DAB1: variants seen among roughly 807,000 people sequenced by gnomAD.
The protein encoded by DAB1 is disabled homolog 1.
DAB1 carries 15 observed loss-of-function variants against 64.6 expected under a neutral mutation model. That is an observed-to-expected ratio of 0.23 (90% confidence interval 0.16 to 0.36). The LOEUF (loss-of-function observed/expected upper bound fraction) is 0.36, where lower values mean the gene tolerates loss of function less well. Among genes scored for constraint, DAB1 ranks in the 10% least tolerant of loss-of-function variants. The pLI is 1.00. For synonymous variants in DAB1, 235 were observed against 251.9 expected (o/e 0.93, Z 0.64); for missense variants, 596 against 706.7 (o/e 0.84, Z 1.78).
At chr1:57,280,826 T>C (rs561531) in intron 2 of DAB1, among the ~76,000 whole-genome samples, 75,309 of 151,996 alleles carry the variant, frequency 0.5, 18,918 homozygotes, top group Admixed American at 0.64. Flanking sequence ...TTTAAATTTT[T>C]TTTCTCCTTG....
chr1:57,335,559 A>G (rs759369719), intron 1 of DAB1, among the ~76,000 whole-genome samples: 8 of 152,222 alleles, frequency 5.3e-5, no homozygotes, highest in Non-Finnish European at 1.0e-4. Flanking sequence ...ACTGTGTGCC[A>G]TTTCAGTTAA....
intron 1 of DAB1, among the ~76,000 whole-genome samples, chr1:57,360,141 A>G (rs756728190): frequency 6.6e-6 from 1 of 152,118 alleles, no homozygotes; most frequent in African/African-American, 2.4e-5. Context: ...AGCTAGACTT[A>G]ACAATTTCAC....
chr1:58,488,626 AT>A (rs200329655), intron 3 of DAB1, among the ~76,000 whole-genome samples: 3,346 of 152,174 alleles, frequency 0.022, 123 homozygotes, highest in African/African-American at 0.076. Context: ...TAATTTTTGT[AT>A]TTTTAGTAGA....
chr1:58,425,643 C>A (rs992458297), intron 3 of DAB1, among the ~76,000 whole-genome samples: 8 of 151,934 alleles, frequency 5.3e-5, no homozygotes, highest in Admixed American at 6.6e-5. Flanking sequence ...TCAGAATAAT[C>A]CTTAGTATTT....
At chr1:57,880,197 C>G (rs1230322483) in intron 1 of DAB1, 1 of 151,876 alleles carries the variant, frequency 6.6e-6, no homozygotes, top group Non-Finnish European at 1.5e-5. Context: ...CTCAGGACCT[C>G]TCTTTTGGTT....
intron 3 of DAB1, among the ~76,000 whole-genome samples, chr1:58,401,669 A>G (rs1644569309): frequency 6.6e-6 from 1 of 152,220 alleles, no homozygotes; most frequent in Admixed American, 6.5e-5. Context: ...TGGTACATAG[A>G]AGAAAACTTG....
chr1:57,301,958 C>T (rs1673698991), intron 1 of DAB1, among the ~76,000 whole-genome samples: 1 of 152,214 alleles, frequency 6.6e-6, no homozygotes, highest in African/African-American at 2.4e-5. Context: ...CAGGCTTCCT[C>T]TCATCACTGA....
chr1:57,036,341 C>A (rs745926361), intron 9 of DAB1, among the ~76,000 whole-genome samples: 1 of 152,102 alleles, frequency 6.6e-6, no homozygotes, highest in Non-Finnish European at 1.5e-5. Flanking sequence ...TTCATCCCAT[C>A]CGTATCTTTT....
chr1:57,515,465 A>G (rs1644453119), intron 7 of DAB1, among the ~76,000 whole-genome samples: 2 of 152,228 alleles, frequency 1.3e-5, no homozygotes, highest in Non-Finnish European at 2.9e-5. Flanking sequence ...ATTTATTTGT[A>G]TCAGCTGATT....
At chr1:58,481,150 T>A (rs771868857) in intron 3 of DAB1, 2 of 852,928 alleles carry the variant, frequency 2.3e-6, no homozygotes, top group Admixed American at 3.5e-5. Context: ...GGTGGACAAT[T>A]ACACATCTCT....
intron 3 of DAB1, among the ~76,000 whole-genome samples, chr1:58,403,705 T>A (rs1390307117): frequency 6.6e-6 from 1 of 152,214 alleles, no homozygotes; most frequent in Non-Finnish European, 1.5e-5. Context: ...AGATCTTGGA[T>A]GTGAAGCTCT....
intron 1 of DAB1, among the ~76,000 whole-genome samples, chr1:57,854,409 G>A (rs1017527592): frequency 6.6e-6 from 1 of 152,190 alleles, no homozygotes; most frequent in Non-Finnish European, 1.5e-5. Flanking sequence ...GAGAGGAAGA[G>A]CCCAACATGG....
At chr1:58,307,018 G>A (rs1313419155) in intron 4 of DAB1, among the ~76,000 whole-genome samples, 1 of 152,170 alleles carries the variant, frequency 6.6e-6, no homozygotes, top group East Asian at 1.9e-4. Context: ...CTTTCCCAAG[G>A]TAATTGGGTT....
chr1:58,406,395 T>C (rs1365183895), intron 3 of DAB1, among the ~76,000 whole-genome samples: 3 of 152,264 alleles, frequency 2.0e-5, no homozygotes, highest in African/African-American at 7.2e-5. Context: ...CCTCAATTTG[T>C]AACAGGGCAG....
intron 7 of DAB1, among the ~76,000 whole-genome samples, chr1:57,602,685 G>A (rs956015828): frequency 1.3e-5 from 2 of 152,134 alleles, no homozygotes; most frequent in Admixed American, 6.5e-5. Context: ...GACAGATTAA[G>A]GTACCTAAGA....
chr1:57,401,164 G>C (rs1683213032), intron 1 of DAB1, among the ~76,000 whole-genome samples: 2 of 151,874 alleles, frequency 1.3e-5, no homozygotes, highest in Non-Finnish European at 2.9e-5. Context: ...GAAAAATTTG[G>C]CATTTCATAT....
chr1:57,191,557 G>A (rs953246137), intron 2 of DAB1, among the ~76,000 whole-genome samples: 12 of 151,888 alleles, frequency 7.9e-5, no homozygotes, highest in Non-Finnish European at 1.3e-4. Flanking sequence ...CTATATCCCC[G>A]CTCCCCTTTC....
Position 57,687,549 on chromosome 1 carries a change from C to T in DAB1, n.552-37884G>A, listed in dbSNP as rs58828820. 5.9e-3 allele frequency among the ~76,000 whole-genome samples: 728 copies of T among 124,086 alleles called. 7 individuals carry two copies. The highest frequency in any genetic ancestry group is 0.021 in the African/African-American group (675 of 31,990). 81.4% of individuals were successfully genotyped at this position (124,086 alleles called of 152,430 possible). ...AATTAGAAAAATCTATTCTAAAACT[C>T]ATATGTAACAACAACAGAAAACCTG... On this transcript the variant is annotated intron_variant and non_coding_transcript_variant, in intron 6 of 20. Transcript: ENST00000485760.
chr1:57,988,086 G>A (rs1275443831), intron 5 of DAB1, among the ~76,000 whole-genome samples: 4 of 152,230 alleles, frequency 2.6e-5, no homozygotes, highest in African/African-American at 9.6e-5. Context: ...CCACCCAGAA[G>A]AGACTCATCT....
Sources: gnomAD v4.1 joint callset for allele counts (sites outside exome capture counted in the v4.1 genomes callset) on GRCh38, gnomAD v4.1.1 for gene constraint, MANE v1.5 for transcripts, NCBI Gene and HGNC (gene_info 2026-07-23, HGNC 2026-07-21) for gene names.